Variants in THSD7A observed in about 807,000 individuals in gnomAD.
The protein encoded by THSD7A is thrombospondin type 1 domain containing 7A.
A neutral mutation model predicts 231.3 loss-of-function variants in THSD7A; 96 were observed. The observed-to-expected ratio is 0.41, with a 90% CI of 0.35 to 0.49. The LOEUF (loss-of-function observed/expected upper bound fraction) is 0.49, where lower values mean the gene tolerates loss of function less well. Ranked by LOEUF, THSD7A falls within the 20% of genes least tolerant of loss-of-function variation. The pLI, the probability that THSD7A is intolerant of heterozygous loss-of-function variation, is 0.05. For synonymous variants in THSD7A, 940 were observed against 743.3 expected (o/e 1.26, Z -4.30); for missense variants, 2,290 against 2,070.2 (o/e 1.11, Z -2.06).
chr7:11,828,249 C>A (rs1470079563), intron 1 of THSD7A, among the ~76,000 whole-genome samples: 2 of 152,190 alleles, frequency 1.3e-5, no homozygotes, highest in East Asian at 3.8e-4. Flanking sequence ...GGCATGAAAT[C>A]TTTTCATTGC....
chr7:11,826,002 G>C (rs1351809286), intron 1 of THSD7A, among the ~76,000 whole-genome samples: 1 of 152,168 alleles, frequency 6.6e-6, no homozygotes, highest in Non-Finnish European at 1.5e-5. Context: ...AATTAAAATA[G>C]ATATATTTGC....
chr7:11,566,430 C>T (rs1583986939), intron 4 of THSD7A, among the ~76,000 whole-genome samples: 1 of 152,156 alleles, frequency 6.6e-6, no homozygotes, highest in Non-Finnish European at 1.5e-5. Flanking sequence ...GGATTTTTAA[C>T]ACGTACTTTA....
At position 11,462,056 on chromosome 7, in the gene THSD7A, T is replaced by C. The variant is rs746269442; in HGVS notation, c.2456A>G (p.Tyr819Cys). Residue 819 changes from tyrosine (Y) to cysteine (C), a missense_variant, in exon 10 of 28, where the codon TAT (tyrosine) becomes TGT (cysteine). Physicochemically the swap from Tyr to Cys is radical, Grantham distance 194. Coordinates refer to ENST00000423059, the MANE Select transcript of THSD7A (RefSeq NM_015204.3). ...AGGTGCCTCACAGGCCTTCTCTTCA[T>C]AGAGGGGATCTGTGCAGTCTCGGCC... ...NGGRDCTDPL[Y>C]EEKACEAPQA... 3.1e-6 allele frequency: 5 copies of C among 1,613,822 alleles called. No individual in the cohort carries two copies. The highest frequency in any genetic ancestry group is 2.2e-5 in the East Asian group (1 of 44,868).
chr7:11,689,342 T>C (rs1780161355), intron 1 of THSD7A, among the ~76,000 whole-genome samples: 2 of 151,852 alleles, frequency 1.3e-5, no homozygotes, highest in African/African-American at 2.4e-5. Context: ...CTAATTTGAT[T>C]GAAATAGAGA....
intron 2 of THSD7A, among the ~76,000 whole-genome samples, chr7:11,602,565 A>G (rs1265081397): frequency 1.3e-5 from 2 of 152,112 alleles, no homozygotes; most frequent in African/African-American, 4.8e-5. Context: ...GAAATATCAG[A>G]TAAATAGCCT....
At chr7:11,724,002 C>T (rs368080825) in intron 1 of THSD7A, among the ~76,000 whole-genome samples, 29 of 151,542 alleles carry the variant, frequency 1.9e-4, no homozygotes, top group Admixed American at 6.6e-4. Flanking sequence ...CAAGGAAGTC[C>T]GTTAAAAGGC....
chr7:11,505,060 T>C (rs6944001), intron 6 of THSD7A, among the ~76,000 whole-genome samples: 43,382 of 152,030 alleles, frequency 0.29, 6,401 homozygotes, highest in South Asian at 0.42. Context: ...AGCCATCATA[T>C]TCTCATTTGG....
At chr7:11,610,394 C>CA (rs1472001132) in intron 2 of THSD7A, among the ~76,000 whole-genome samples, 1 of 151,960 alleles carries the variant, frequency 6.6e-6, no homozygotes, top group African/African-American at 2.4e-5. Context: ...TGTAGATAAC[C>CA]AAACAGGAAG....
intron 6 of THSD7A, among the ~76,000 whole-genome samples, chr7:11,516,559 C>T (rs1381474317): frequency 6.6e-6 from 1 of 152,190 alleles, no homozygotes; most frequent in Non-Finnish European, 1.5e-5. Context: ...GTTTGTACAG[C>T]AGTCAATGCC....
intron 7 of THSD7A, among the ~76,000 whole-genome samples, chr7:11,477,998 T>C (rs1024635925): frequency 6.6e-6 from 1 of 152,212 alleles, no homozygotes; most frequent in African/African-American, 2.4e-5. Flanking sequence ...CCAATTCCAA[T>C]GCTGTACCAC....
intron 4 of THSD7A, among the ~76,000 whole-genome samples, chr7:11,554,973 T>G (rs1383719939): frequency 6.6e-6 from 1 of 151,976 alleles, no homozygotes; most frequent in East Asian, 1.9e-4. Flanking sequence ...TTCCTGGTGT[T>G]GGTGATTTGT....
rs953489761 is a variant in THSD7A, at chr7:11,538,878, A to G, written c.1822+2541T>C. ...ACAGCAGCAGCAAATCTTAATGATC[A>G]CTGGGAGTCTGGACAAAGAATATTT... On this transcript the variant is annotated intron_variant, in intron 6 of 27. Transcript: ENST00000423059. Among the ~76,000 whole-genome samples the G allele has an allele frequency of 1.3e-4, 20 of 152,196 alleles. 1 individual carries two copies. The highest frequency in any genetic ancestry group is 4.4e-5 in the Non-Finnish European group (3 of 68,044).
At chr7:11,761,457 TA>T (rs1268184905) in intron 1 of THSD7A, among the ~76,000 whole-genome samples, 2 of 152,106 alleles carry the variant, frequency 1.3e-5, no homozygotes, top group South Asian at 2.1e-4. Flanking sequence ...TCTTTTTTCA[TA>T]AAGGGCATCA....
intron 9 of THSD7A, among the ~76,000 whole-genome samples, chr7:11,465,809 A>G (rs1298917887): frequency 6.6e-6 from 1 of 152,200 alleles, no homozygotes; most frequent in African/African-American, 2.4e-5. Flanking sequence ...GAATTTGAGC[A>G]ACCAAATATA....
Position 11,590,873 on chromosome 7 carries a change from A to G in THSD7A, c.1272-232T>C, listed in dbSNP as rs1270535323. Among the ~76,000 whole-genome samples the G allele has an allele frequency of 6.6e-6, 1 of 152,170 alleles. No homozygotes were observed. The highest frequency in any genetic ancestry group is 1.5e-5 in the Non-Finnish European group (1 of 68,032). ...TCCTGTTTCAATTGCAATTACTGGA[A>G]GTTACTTATAAATATTTTATGAAAA... is the stretch of plus-strand genomic sequence containing the variant. On this transcript the variant is annotated intron_variant, in intron 3 of 27. Coordinates refer to ENST00000423059, the MANE Select transcript of THSD7A (RefSeq NM_015204.3). The surrounding 1 kb of genome is among the most constrained non-coding windows in gnomAD (Gnocchi z 4.4).
chr7:11,560,394 A>T (rs555084643), intron 4 of THSD7A, among the ~76,000 whole-genome samples: 88 of 152,218 alleles, frequency 5.8e-4, no homozygotes, highest in Non-Finnish European at 9.4e-4. Context: ...AGGGCAGCAC[A>T]TCACATATTC....
At chr7:11,716,571 A>T (rs1325357106) in intron 1 of THSD7A, among the ~76,000 whole-genome samples, 2 of 151,496 alleles carry the variant, frequency 1.3e-5, no homozygotes, top group African/African-American at 4.8e-5. Context: ...ACCCTGGAAA[A>T]CTTTTCTCAC....
chr7:11,439,267 T>G (rs769596771), intron 13 of THSD7A, among the ~76,000 whole-genome samples: 12 of 152,118 alleles, frequency 7.9e-5, no homozygotes, highest in Non-Finnish European at 2.9e-5. Flanking sequence ...CAGGTATACC[T>G]TATTTTATTG....
intron 1 of THSD7A, among the ~76,000 whole-genome samples, chr7:11,680,037 C>T (rs1190006908): frequency 1.3e-5 from 2 of 150,916 alleles, no homozygotes; most frequent in African/African-American, 2.4e-5. Context: ...TCAGAAATAA[C>T]ATCACACATC....
Sources: gnomAD v4.1 joint callset for allele counts (sites outside exome capture counted in the v4.1 genomes callset) on GRCh38, gnomAD v4.1.1 for gene constraint, Gnocchi (gnomAD v3.1) non-coding constraint, MANE v1.5 for transcripts, NCBI Gene and HGNC (gene_info 2026-07-23, HGNC 2026-07-21) for gene names.